Variants in MCC observed in about 807,000 individuals in gnomAD.
MCC encodes colorectal mutant cancer protein.
Under a neutral mutation model 116.2 loss-of-function variants are expected in MCC, and 90 were observed. The ratio of observed to expected loss-of-function variants is 0.77; its 90% CI spans 0.65 to 0.92. The LOEUF (loss-of-function observed/expected upper bound fraction) is 0.92, where lower values mean the gene tolerates loss of function less well. MCC is among the 40% of genes least tolerant of loss of function. MCC has a pLI of 0.00. For synonymous variants in MCC, 578 were observed against 510.5 expected (o/e 1.13, Z -1.78); for missense variants, 1,516 against 1,312.2 (o/e 1.16, Z -2.40).
chr5:113,336,347 G>A (rs146330038), intron 3 of MCC, among the ~76,000 whole-genome samples: 8 of 151,810 alleles, frequency 5.3e-5, no homozygotes, highest in African/African-American at 1.9e-4. Context: ...TGGTGTACCA[G>A]GCTTGCAGTA....
intron 3 of MCC, among the ~76,000 whole-genome samples, chr5:113,242,159 T>C (rs1045323624): frequency 7.2e-5 from 11 of 152,350 alleles, no homozygotes; most frequent in African/African-American, 2.4e-4. Context: ...TCATTAGAAA[T>C]ATTCTGGACT....
chr5:113,255,608 C>T (rs1258292909), intron 3 of MCC, among the ~76,000 whole-genome samples: 1 of 152,208 alleles, frequency 6.6e-6, no homozygotes, highest in Admixed American at 6.5e-5. Context: ...TCCTTCTTTA[C>T]ACTCTGCTCC....
At chr5:113,307,211 G>A (rs111687055) in intron 3 of MCC, among the ~76,000 whole-genome samples, 3,145 of 152,220 alleles carry the variant, frequency 0.021, 34 homozygotes, top group Middle Eastern at 0.027. Context: ...TTTGATAGGC[G>A]TGCACGGAGT....
At chr5:113,400,199 T>G (rs1454264397) in intron 1 of MCC, among the ~76,000 whole-genome samples, 1 of 138,636 alleles carries the variant, frequency 7.2e-6, no homozygotes, top group Admixed American at 7.9e-5. Context: ...CTTGGCTCAC[T>G]GAAACCTTCC....
intron 11 of MCC, among the ~76,000 whole-genome samples, chr5:113,079,762 A>T (rs975307495): frequency 1.3e-5 from 2 of 152,202 alleles, no homozygotes; most frequent in African/African-American, 2.4e-5. Context: ...GGACTTCATG[A>T]CTAAAACACC....
At chr5:113,088,114 C>T (rs951085742) in intron 8 of MCC, among the ~76,000 whole-genome samples, 1 of 152,080 alleles carries the variant, frequency 6.6e-6, no homozygotes, top group Non-Finnish European at 1.5e-5. Flanking sequence ...AGATGATAAA[C>T]ATGTTTATTT....
chr5:113,455,359 C>A lies in MCC; in HGVS notation c.170+32886G>T, dbSNP rs1024031351. Reference sequence around the variant, plus strand: ...GGCTCCCTGAAGACAAGAGTGGCATCTTTTATGCTGCACTCCCCCCCACCA... The same window carrying A: ...GGCTCCCTGAAGACAAGAGTGGCATATTTTATGCTGCACTCCCCCCCACCA... On this transcript the variant is annotated intron_variant, in intron 1 of 18. Transcript: ENST00000408903. 5.3e-5 allele frequency among the ~76,000 whole-genome samples: 8 copies of A among 152,134 alleles called. 1 individual carries two copies.
intron 17 of MCC, among the ~76,000 whole-genome samples, chr5:113,035,541 C>T (rs755285502): frequency 1.3e-5 from 2 of 152,198 alleles, no homozygotes; most frequent in Non-Finnish European, 2.9e-5. Context: ...CCTCTAAGGC[C>T]CTGCTTGACC....
intron 6 of MCC, among the ~76,000 whole-genome samples, chr5:113,118,122 G>A (rs915992612): frequency 6.6e-6 from 1 of 152,186 alleles, no homozygotes; most frequent in Admixed American, 6.5e-5. Context: ...CAGATGAAGA[G>A]ACCTCCAGGG....
chr5:113,407,062 G>A (rs1426138001), intron 1 of MCC, among the ~76,000 whole-genome samples: 1 of 152,098 alleles, frequency 6.6e-6, no homozygotes, highest in African/African-American at 2.4e-5. Context: ...ATAATAAACT[G>A]CTTAAGATAA....
intron 3 of MCC, among the ~76,000 whole-genome samples, chr5:113,261,493 CA>C (rs1765217492): frequency 1.3e-5 from 2 of 152,026 alleles, no homozygotes; most frequent in Non-Finnish European, 2.9e-5. Flanking sequence ...CTGTATTAGA[CA>C]AAATAGCCAT....
At chr5:113,134,041 T>C (rs1472900826) in intron 5 of MCC, among the ~76,000 whole-genome samples, 2 of 152,254 alleles carry the variant, frequency 1.3e-5, no homozygotes, top group Admixed American at 1.3e-4. Flanking sequence ...CTTTTCACTT[T>C]CATTATTTCC....
intron 4 of MCC, among the ~76,000 whole-genome samples, chr5:113,149,650 G>C (rs1759731710): frequency 6.6e-6 from 1 of 152,104 alleles, no homozygotes; most frequent in South Asian, 2.1e-4. Context: ...ATTCTGGAAA[G>C]ATGGCTATAG....
intron 12 of MCC, among the ~76,000 whole-genome samples, chr5:113,069,094 T>C (rs914808977): frequency 1.3e-5 from 2 of 152,216 alleles, no homozygotes; most frequent in Non-Finnish European, 2.9e-5. Flanking sequence ...AGTCCATTCC[T>C]CCATTGCAGT....
chr5:113,133,461 G>A (rs943207840), intron 5 of MCC, among the ~76,000 whole-genome samples: 1 of 151,446 alleles, frequency 6.6e-6, no homozygotes, highest in African/African-American at 2.4e-5. Context: ...TGCTGTGACA[G>A]GATTTCATTC....
chr5:113,326,589 C>T (rs1277400157), intron 3 of MCC, among the ~76,000 whole-genome samples: 6 of 152,168 alleles, frequency 3.9e-5, no homozygotes, highest in Non-Finnish European at 8.8e-5. Flanking sequence ...ATTAGCACCA[C>T]GATGGGGGTT....
At chr5:113,459,803 G>C (rs547157505) in intron 1 of MCC, among the ~76,000 whole-genome samples, 1 of 144,532 alleles carries the variant, frequency 6.9e-6, no homozygotes, top group African/African-American at 2.6e-5. Flanking sequence ...TTGCAAAAAG[G>C]AGTCCTAGAA....
At chr5:113,327,553 A>ATATATATATATATAT (rs1280568642) in intron 3 of MCC, among the ~76,000 whole-genome samples, 1 of 81,380 alleles carries the variant, frequency 1.2e-5, no homozygotes, top group Non-Finnish European at 2.7e-5. Context: ...CTCAAAAAAA[A>ATATATATATATATAT]AAAAAAAAAT....
At chr5:113,236,841 T>C (rs553073512) in intron 3 of MCC, among the ~76,000 whole-genome samples, 5 of 152,252 alleles carry the variant, frequency 3.3e-5, no homozygotes, top group Middle Eastern at 3.4e-3. Flanking sequence ...GTGGCTACAC[T>C]TGGTGGGTGG....
Sources: allele counts gnomAD v4.1 joint callset (sites outside exome capture counted in the v4.1 genomes callset), GRCh38; gene constraint gnomAD v4.1.1; transcripts MANE v1.5; gene names NCBI Gene and HGNC (gene_info 2026-07-23, HGNC 2026-07-21).